BCKDHB: variants seen among roughly 807,000 people sequenced by gnomAD.
BCKDHB encodes the protein 2-oxoisovalerate dehydrogenase subunit beta, mitochondrial.
A neutral mutation model predicts 48.5 loss-of-function variants in BCKDHB; 41 were observed. The observed-to-expected ratio is 0.85, with a 90% CI of 0.66 to 1.10. The LOEUF is 1.10. BCKDHB is among the 50% of genes least tolerant of loss of function. The pLI is 0.00. For synonymous variants in BCKDHB, 201 were observed against 174.8 expected (o/e 1.15, Z -1.18); for missense variants, 496 against 494.2 (o/e 1.00, Z -0.03).
At chr6:80,413,138 A>G in the BCKDHB span, among the ~76,000 whole-genome samples, 1 of 152,112 alleles carries the variant, frequency 6.6e-6, no homozygotes, top group Non-Finnish European at 1.5e-5. Flanking sequence ...TCTTATAATG[A>G]TATATAATTA....
At chr6:80,352,476 T>C in the BCKDHB span, among the ~76,000 whole-genome samples, 31,210 of 152,108 alleles carry the variant, frequency 0.21, 3,707 homozygotes, top group South Asian at 0.37. Flanking sequence ...CCTGAAGTGT[T>C]CCATTCTTTC....
chr6:80,410,879 G>T, the BCKDHB span, among the ~76,000 whole-genome samples: 2 of 152,090 alleles, frequency 1.3e-5, no homozygotes, highest in South Asian at 4.1e-4. Context: ...TCCTTGCAAT[G>T]GGTTTAGAAC....
intron 6 of BCKDHB, among the ~76,000 whole-genome samples, chr6:80,186,607 CT>C (rs1773653960): frequency 6.6e-6 from 1 of 152,330 alleles, no homozygotes; most frequent in African/African-American, 2.4e-5. Flanking sequence ...CATTTGCCCC[CT>C]GGACTCTGCT....
chr6:80,218,246 C>A (rs534149175), intron 8 of BCKDHB, among the ~76,000 whole-genome samples: 2 of 152,070 alleles, frequency 1.3e-5, no homozygotes, highest in East Asian at 3.9e-4. Flanking sequence ...TCGGTGGAGC[C>A]TGGGTCACAT....
chr6:80,254,287 T>G (rs890734643), intron 8 of BCKDHB, among the ~76,000 whole-genome samples: 1 of 152,116 alleles, frequency 6.6e-6, no homozygotes, highest in Admixed American at 6.6e-5. Flanking sequence ...CATGTCATAG[T>G]TTTTTAATAA....
chr6:80,427,786 G>A, the BCKDHB span, among the ~76,000 whole-genome samples: 7 of 152,060 alleles, frequency 4.6e-5, no homozygotes, highest in Non-Finnish European at 7.4e-5. Context: ...ATACCACTGT[G>A]TTCTGCTTGC....
intron 8 of BCKDHB, among the ~76,000 whole-genome samples, chr6:80,237,380 C>A (rs1247574204): frequency 6.6e-6 from 1 of 152,096 alleles, no homozygotes; most frequent in Non-Finnish European, 1.5e-5. Flanking sequence ...CTTAAAGATT[C>A]TAATAACTTA....
chr6:80,433,916 A>G, the BCKDHB span, among the ~76,000 whole-genome samples: 5 of 152,000 alleles, frequency 3.3e-5, no homozygotes, highest in Non-Finnish European at 7.4e-5. Context: ...TTTGGCCATT[A>G]TTTCTTTAAA....
chr6:80,421,095 T>A, the BCKDHB span, among the ~76,000 whole-genome samples: 1 of 152,156 alleles, frequency 6.6e-6, no homozygotes, highest in Non-Finnish European at 1.5e-5. Context: ...TCCCACAAGT[T>A]GAGGGAGGGA....
chr6:80,278,098 C>T (rs527846161), intron 9 of BCKDHB, among the ~76,000 whole-genome samples: 18 of 152,154 alleles, frequency 1.2e-4, no homozygotes, highest in South Asian at 4.1e-4. Flanking sequence ...TTAAAATTGC[C>T]GTGCTGGTAA....
intron 1 of BCKDHB, among the ~76,000 whole-genome samples, chr6:80,107,480 TATATACGCGC>T (rs1437867486): frequency 1.4e-5 from 2 of 144,642 alleles, no homozygotes; most frequent in African/African-American, 5.1e-5. Flanking sequence ...TGTGTGGATA[TATATACGCGC>T]ATATATATGC....
At chr6:80,381,939 T>C in the BCKDHB span, among the ~76,000 whole-genome samples, 1 of 152,110 alleles carries the variant, frequency 6.6e-6, no homozygotes, top group Non-Finnish European at 1.5e-5. Context: ...GTAAACTTGT[T>C]ATATGAAAGT....
intron 1 of BCKDHB, among the ~76,000 whole-genome samples, chr6:80,118,752 A>G (rs1769842013): frequency 6.7e-6 from 1 of 148,840 alleles, no homozygotes; most frequent in Non-Finnish European, 1.5e-5. Context: ...CTTCATTAGC[A>G]ATGGATTTCA....
the BCKDHB span, among the ~76,000 whole-genome samples, chr6:80,458,967 C>T: frequency 6.6e-6 from 1 of 151,796 alleles, no homozygotes; most frequent in African/African-American, 2.4e-5. Flanking sequence ...TTTAAAAAAC[C>T]CACAAAATAT....
the BCKDHB span, among the ~76,000 whole-genome samples, chr6:80,427,968 G>T: frequency 6.6e-6 from 1 of 151,906 alleles, no homozygotes; most frequent in African/African-American, 2.4e-5. Flanking sequence ...TGCCAGGGTG[G>T]TTTGCTGCAC....
the BCKDHB span, among the ~76,000 whole-genome samples, chr6:80,403,502 T>C: frequency 2.0e-5 from 3 of 151,980 alleles, no homozygotes; most frequent in East Asian, 3.8e-4. Flanking sequence ...GTTTTCTTTA[T>C]ATAAGATCAT....
chr6:80,215,929 A>C (rs1025597963), intron 8 of BCKDHB, among the ~76,000 whole-genome samples: 2 of 152,050 alleles, frequency 1.3e-5, no homozygotes, highest in Admixed American at 1.3e-4. Context: ...TTTAGTACAG[A>C]CAGGGTTTCA....
chr6:80,354,688 A>T, the BCKDHB span, among the ~76,000 whole-genome samples: 1 of 152,182 alleles, frequency 6.6e-6, no homozygotes, highest in East Asian at 1.9e-4. Context: ...TGATTTTTGT[A>T]TACAGTGATA....
chr6:80,419,002 G>A, the BCKDHB span, among the ~76,000 whole-genome samples: 2,268 of 152,294 alleles, frequency 0.015, 54 homozygotes, highest in African/African-American at 0.051. Context: ...GGTCACTCAG[G>A]TCAGGGCAGA....
Sources: allele counts gnomAD v4.1 joint callset (sites outside exome capture counted in the v4.1 genomes callset), GRCh38; gene constraint gnomAD v4.1.1; transcripts MANE v1.5; gene names NCBI Gene and HGNC (gene_info 2026-07-23, HGNC 2026-07-21).